ABCB4: variants seen among roughly 807,000 people sequenced by gnomAD.
The protein encoded by ABCB4 is ATP binding cassette subfamily B member 4, also known as phosphatidylcholine translocator ABCB4.
ABCB4 carries 76 observed loss-of-function variants against 145.7 expected under a neutral mutation model. That is an observed-to-expected ratio of 0.52 (90% CI 0.43 to 0.63). The LOEUF (loss-of-function observed/expected upper bound fraction) is 0.63, where lower values mean the gene tolerates loss of function less well. Among genes scored for constraint, ABCB4 ranks in the 30% least tolerant of loss-of-function variants. The pLI is 0.00. For synonymous variants in ABCB4, 517 were observed against 566.8 expected (o/e 0.91, Z 1.25); for missense variants, 1,234 against 1,553.1 (o/e 0.79, Z 3.45).
intron 5 of ABCB4, among the ~76,000 whole-genome samples, chr7:87,454,166 A>T (rs529276256): frequency 4.6e-5 from 7 of 152,336 alleles, no homozygotes; most frequent in Admixed American, 4.6e-4. Context: ...ACATACAAAC[A>T]TCATGCTTAC....
the ABCB4 span, among the ~76,000 whole-genome samples, chr7:87,394,146 T>C: frequency 1.3e-5 from 2 of 152,174 alleles, no homozygotes; most frequent in African/African-American, 2.4e-5. Flanking sequence ...TCAATCATAA[T>C]TGCATTAAAT....
the ABCB4 span, chr7:87,392,820 A>G: frequency 1.9e-6 from 3 of 1,613,046 alleles, no homozygotes; most frequent in Admixed American, 3.3e-5. Context: ...CTTTTTTCCA[A>G]AAGGTAATAT....
chr7:87,382,039 T>C, the ABCB4 span: 2 of 1,570,208 alleles, frequency 1.3e-6, no homozygotes, highest in Non-Finnish European at 1.7e-6. Context: ...AATAGTTCTA[T>C]AGATAAAATA....
At chr7:87,439,169 C>T (rs1335391129) in intron 14 of ABCB4, among the ~76,000 whole-genome samples, 1 of 152,086 alleles carries the variant, frequency 6.6e-6, no homozygotes, top group Admixed American at 6.5e-5. Context: ...CAGATGAACT[C>T]AGCACCCTTA....
chr7:87,451,998 T>A (rs1293801279), intron 6 of ABCB4, among the ~76,000 whole-genome samples: 4 of 152,202 alleles, frequency 2.6e-5, no homozygotes, highest in Non-Finnish European at 5.9e-5. Context: ...TTCTAATAAG[T>A]TAGTATCATT....
intron 3 of ABCB4, among the ~76,000 whole-genome samples, chr7:87,468,415 C>T (rs1813086834): frequency 6.6e-6 from 1 of 152,024 alleles, no homozygotes; most frequent in Non-Finnish European, 1.5e-5. Flanking sequence ...CAAAAAAAGT[C>T]CAGGACCAGA....
chr7:87,368,525 A>G, the ABCB4 span, among the ~76,000 whole-genome samples: 1 of 152,184 alleles, frequency 6.6e-6, no homozygotes, highest in East Asian at 1.9e-4. Context: ...GGTATAAGAG[A>G]AAAAAGAGTA....
intron 4 of ABCB4, among the ~76,000 whole-genome samples, chr7:87,459,656 A>C (rs897972550): frequency 6.6e-6 from 1 of 152,126 alleles, no homozygotes; most frequent in African/African-American, 2.4e-5. Flanking sequence ...GCGAGAATAC[A>C]GGGAGACATC....
At chr7:87,406,092 C>T in intron 26 of ABCB4, 196 bp downstream of exon 26, 1 of 630,182 alleles carries the variant, frequency 1.6e-6, no homozygotes, top group Non-Finnish European at 2.8e-6. Context: ...TTGAGCTTCT[C>T]ACTACATTTG....
rs1290345989 is a variant in ABCB4, at chr7:87,413,706, C to T, written c.2694G>A (p.Glu898=). 4 of 1,609,054 alleles carry T rather than the reference C, an allele frequency of 2.5e-6. No individual in the cohort carries two copies. The highest frequency in any genetic ancestry group is 2.2e-5 in the East Asian group (1 of 44,810). ...ELEAAGKIAT[E]AIENIRTVVS... ...CAACTGTCCTAATATTTTCTATTGC[C>T]TCTGTTGCAATCTGTAACACAGAAT... is the stretch of plus-strand genomic sequence containing the variant. Residue 898 remains glutamate, a synonymous_variant, in exon 22 of 28, where the codon GAG becomes GAA. Coordinates refer to ENST00000649586, the MANE Select transcript of ABCB4 (RefSeq NM_000443.4).
the ABCB4 span, among the ~76,000 whole-genome samples, chr7:87,389,859 A>G: frequency 6.6e-6 from 1 of 152,190 alleles, no homozygotes; most frequent in African/African-American, 2.4e-5. Context: ...GCTTGCCAGA[A>G]ACTAGCTCAT....
chr7:87,468,617 T>C (rs1310157213), intron 3 of ABCB4, among the ~76,000 whole-genome samples: 2 of 152,088 alleles, frequency 1.3e-5, no homozygotes, highest in Admixed American at 1.3e-4. Context: ...CTGACGAACA[T>C]CAATGCAAAA....
the ABCB4 span, among the ~76,000 whole-genome samples, chr7:87,366,606 T>C: frequency 0.13 from 20,180 of 152,148 alleles, 1,930 homozygotes; most frequent in African/African-American, 0.27. Flanking sequence ...TTTGGCCACA[T>C]TGTGATTTAC....
intron 3 of ABCB4, among the ~76,000 whole-genome samples, chr7:87,469,949 T>C (rs113656645): frequency 2.0e-5 from 3 of 152,146 alleles, no homozygotes; most frequent in Admixed American, 6.5e-5. Flanking sequence ...GGAGGCATCA[T>C]GCTACCTGAC....
intron 4 of ABCB4, among the ~76,000 whole-genome samples, chr7:87,454,816 A>G (rs1415184856): frequency 1.3e-5 from 2 of 152,270 alleles, no homozygotes; most frequent in Non-Finnish European, 2.9e-5. Flanking sequence ...AGGGCCAAGA[A>G]AGGGGAAGAT....
the ABCB4 span, among the ~76,000 whole-genome samples, chr7:87,379,487 C>CA: frequency 6.6e-6 from 1 of 152,164 alleles, no homozygotes; most frequent in Non-Finnish European, 1.5e-5. Flanking sequence ...CCAAGACCAT[C>CA]AAAAAACACC....
At chr7:87,385,398 T>C in the ABCB4 span, among the ~76,000 whole-genome samples, 1 of 152,100 alleles carries the variant, frequency 6.6e-6, no homozygotes, top group East Asian at 1.9e-4. Context: ...TTGTATTGAT[T>C]TTTTTACTTT....
the ABCB4 span, among the ~76,000 whole-genome samples, chr7:87,388,680 A>G: frequency 1.3e-5 from 2 of 152,256 alleles, no homozygotes; most frequent in Non-Finnish European, 2.9e-5. Context: ...ACTCTAGAAG[A>G]AAACCTAGGC....
intron 3 of ABCB4, among the ~76,000 whole-genome samples, chr7:87,469,248 C>T (rs578024904): frequency 1.3e-5 from 2 of 152,268 alleles, no homozygotes; most frequent in African/African-American, 4.8e-5. Context: ...CTATTTATGA[C>T]AAACCCATAG....
Sources: gnomAD v4.1 joint callset for allele counts (sites outside exome capture counted in the v4.1 genomes callset) on GRCh38, gnomAD v4.1.1 for gene constraint, MANE v1.5 for transcripts, NCBI Gene and HGNC (gene_info 2026-07-23, HGNC 2026-07-21) for gene names.